BCAS3: variants seen among roughly 807,000 people sequenced by gnomAD.
BCAS3 encodes the protein BCAS3 microtubule associated cell migration factor, also known as BCAS4/BCAS3 fusion.
In BCAS3, 53 loss-of-function variants were observed where a neutral mutation model predicts 116.1. The ratio of observed to expected loss-of-function variants is 0.46; its 90% confidence interval spans 0.37 to 0.57. The LOEUF is 0.57. Ranked by LOEUF, BCAS3 falls within the 20% of genes least tolerant of loss-of-function variation. BCAS3 has a pLI of 0.00. For synonymous variants in BCAS3, 391 were observed against 408.2 expected (o/e 0.96, Z 0.51); for missense variants, 917 against 1,165.4 (o/e 0.79, Z 3.10).
chr17:60,879,600 C>T (rs967065812), intron 9 of BCAS3, among the ~76,000 whole-genome samples: 1 of 152,178 alleles, frequency 6.6e-6, no homozygotes, highest in Admixed American at 6.5e-5. Context: ...ATGTCATTAG[C>T]AGTCATTTTC....
intron 22 of BCAS3, among the ~76,000 whole-genome samples, chr17:61,192,728 A>G (rs1292230490): frequency 1.3e-5 from 2 of 152,264 alleles, no homozygotes; most frequent in Non-Finnish European, 2.9e-5. Flanking sequence ...TGCTTCACCA[A>G]CAAAATATAA....
At chr17:60,784,371 T>C (rs2046102573) in intron 6 of BCAS3, among the ~76,000 whole-genome samples, 1 of 146,730 alleles carries the variant, frequency 6.8e-6, no homozygotes, top group African/African-American at 2.5e-5. Context: ...CAATCTCGGC[T>C]CACTGGAAGC....
chr17:60,708,021 G>A (rs1032776116), intron 4 of BCAS3, among the ~76,000 whole-genome samples: 4 of 152,050 alleles, frequency 2.6e-5, no homozygotes, highest in African/African-American at 9.7e-5. Flanking sequence ...CTTCTCTTCT[G>A]TTTTTTAGAA....
chr17:61,358,651 A>G (rs2058286222), intron 22 of BCAS3, among the ~76,000 whole-genome samples: 1 of 151,542 alleles, frequency 6.6e-6, no homozygotes, highest in African/African-American at 2.4e-5. Flanking sequence ...ACAGGCATGC[A>G]CCACCATGCC....
chr17:60,729,525 A>G (rs1020030986), intron 5 of BCAS3, among the ~76,000 whole-genome samples: 13 of 152,178 alleles, frequency 8.5e-5, no homozygotes, highest in African/African-American at 2.7e-4. Flanking sequence ...TGATGTTGTC[A>G]GTCATTAAAA....
chr17:61,270,884 C>G lies in BCAS3; in HGVS notation c.2426-97443C>G, dbSNP rs144843947. 1.3e-3 allele frequency among the ~76,000 whole-genome samples: 195 copies of G among 151,900 alleles called. 1 individual carries two copies. Among genetic ancestry groups the G allele is most frequent in the East Asian group, 5.7e-3 (29 of 5,132 alleles). The stretch of plus-strand genomic sequence containing the variant: ...AAGCAATTCTCCTGCCTCAGCCTCC[C>G]GAGTAGCTGGGATTACAGGCATATG... On this transcript the variant is annotated intron_variant, in intron 22 of 23. Transcript: ENST00000407086.
chr17:60,696,984 C>G (rs1019356339), intron 4 of BCAS3, among the ~76,000 whole-genome samples: 1 of 150,340 alleles, frequency 6.7e-6, no homozygotes, highest in African/African-American at 2.4e-5. Flanking sequence ...CCCAGGAGTT[C>G]AAGACCAGCC....
At chr17:61,223,295 T>A (rs915642106) in intron 22 of BCAS3, among the ~76,000 whole-genome samples, 20 of 151,918 alleles carry the variant, frequency 1.3e-4, no homozygotes, top group African/African-American at 4.4e-4. Context: ...TAGCTGGGAT[T>A]ACAGGCATGT....
At chr17:61,035,061 A>G (rs2066911577) in intron 17 of BCAS3, among the ~76,000 whole-genome samples, 1 of 152,116 alleles carries the variant, frequency 6.6e-6, no homozygotes, top group Admixed American at 6.5e-5. Flanking sequence ...TCAATTCTAT[A>G]CCCATTTTAT....
chr17:60,802,792 G>T (rs1481202248), intron 6 of BCAS3, among the ~76,000 whole-genome samples: 1 of 152,006 alleles, frequency 6.6e-6, no homozygotes, highest in Non-Finnish European at 1.5e-5. Flanking sequence ...TAGACACCCG[G>T]CTAATTTTGT....
chr17:60,730,056 C>A (rs1598346690), intron 5 of BCAS3, among the ~76,000 whole-genome samples: 1 of 152,260 alleles, frequency 6.6e-6, no homozygotes, highest in South Asian at 2.1e-4. Flanking sequence ...CTTCAAAGGA[C>A]TGGAATGATA....
At chr17:60,756,950 G>T (rs1347353624) in intron 6 of BCAS3, among the ~76,000 whole-genome samples, 1 of 152,102 alleles carries the variant, frequency 6.6e-6, no homozygotes, top group East Asian at 1.9e-4. Flanking sequence ...GGATCACGAG[G>T]TCAAGAGATC....
At chr17:61,080,663 G>A (rs775407641) in intron 21 of BCAS3, among the ~76,000 whole-genome samples, 10 of 152,092 alleles carry the variant, frequency 6.6e-5, no homozygotes, top group East Asian at 1.9e-4. Context: ...GGGAGGCTGC[G>A]GCAGGAGAAT....
chr17:60,792,206 G>A (rs2144545348), intron 6 of BCAS3, among the ~76,000 whole-genome samples: 1 of 152,324 alleles, frequency 6.6e-6, no homozygotes, highest in East Asian at 1.9e-4. Flanking sequence ...GGTGGCCATG[G>A]CAGTGGCTGC....
chr17:61,011,290 C>G (rs968074569), intron 15 of BCAS3, among the ~76,000 whole-genome samples: 1 of 152,040 alleles, frequency 6.6e-6, no homozygotes, highest in Non-Finnish European at 1.5e-5. Flanking sequence ...TAGACTTCAT[C>G]TAGGTCCAAG....
chr17:61,079,350 GTCT>G (rs1056218147), intron 21 of BCAS3, among the ~76,000 whole-genome samples: 2 of 152,050 alleles, frequency 1.3e-5, no homozygotes. Flanking sequence ...ATACGTTTTT[GTCT>G]TCTTTGTCAG....
rs2054734281 is a variant in BCAS3, at chr17:61,316,357, GA to G, written c.2426-51968del. ...AGCAGGTACTTAGTAAATGTGTGCT[GA>G]ATGTGGGAGACGTCTTTTTTAAGGA... On this transcript the variant is annotated intron_variant, in intron 22 of 23. Coordinates refer to ENST00000407086, the MANE Select transcript of BCAS3 (RefSeq NM_017679.5). The surrounding 1 kb of genome is among the most constrained non-coding windows in gnomAD (Gnocchi z 5.8). Among the ~76,000 whole-genome samples, 1 of 152,188 alleles carries G rather than the reference GA, an allele frequency of 6.6e-6. No homozygotes were observed. The highest frequency in any genetic ancestry group is 2.4e-5 in the African/African-American group (1 of 41,430).
At chr17:60,740,153 T>G (rs1378894854) in intron 5 of BCAS3, among the ~76,000 whole-genome samples, 1 of 152,102 alleles carries the variant, frequency 6.6e-6, no homozygotes, top group Non-Finnish European at 1.5e-5. Flanking sequence ...TTGAGTCTCT[T>G]CAGATTGTAT....
At chr17:61,236,710 AG>A (rs1217239428) in intron 22 of BCAS3, among the ~76,000 whole-genome samples, 3 of 152,150 alleles carry the variant, frequency 2.0e-5, no homozygotes, top group Non-Finnish European at 2.9e-5. Flanking sequence ...GGTATAAAGT[AG>A]TCAATTGTAA....
Sources: gnomAD v4.1 joint callset for allele counts (sites outside exome capture counted in the v4.1 genomes callset) on GRCh38, gnomAD v4.1.1 for gene constraint, Gnocchi (gnomAD v3.1) non-coding constraint, MANE v1.5 for transcripts, NCBI Gene and HGNC (gene_info 2026-07-23, HGNC 2026-07-21) for gene names.